ANO4: variants seen among roughly 807,000 people sequenced by gnomAD.
ANO4 encodes anoctamin-4.
Under a neutral mutation model 141.9 loss-of-function variants are expected in ANO4, and 69 were observed. The observed-to-expected ratio is 0.49, with a 90% CI of 0.40 to 0.59. The LOEUF is 0.59. ANO4 is among the 20% of genes least tolerant of loss of function. The probability of loss-of-function intolerance (pLI) is 0.00; values close to 1 mark genes in which losing one functional copy is unlikely to be tolerated. For synonymous variants in ANO4, 350 were observed against 394.3 expected (o/e 0.89, Z 1.33); for missense variants, 894 against 1,162.2 (o/e 0.77, Z 3.36).
rs115396633 is a variant in ANO4 at position 100,826,548 on chromosome 12, G to A, written c.-141+31521G>A. On this transcript the variant is annotated intron_variant, in intron 1 of 27. Transcript: ENST00000392977. ...GTGCTGTCCATGGTACTGGACCAGCGTTGCTTGCTAGGGCCTGCTGTTTGG... is the reference window on the plus strand; with the variant it reads ...GTGCTGTCCATGGTACTGGACCAGCATTGCTTGCTAGGGCCTGCTGTTTGG... Among the ~76,000 whole-genome samples, 1,246 of 152,110 alleles carry A rather than the reference G, an allele frequency of 8.2e-3. 20 individuals carry two copies. The highest frequency in any genetic ancestry group is 0.028 in the African/African-American group (1,174 of 41,530).
At chr12:100,927,956 G>A (rs1302173640) in intron 3 of ANO4, among the ~76,000 whole-genome samples, 2 of 152,124 alleles carry the variant, frequency 1.3e-5, no homozygotes, top group Non-Finnish European at 2.9e-5. Context: ...TTATCCTGCA[G>A]TCTGTTTGTG....
At chr12:100,867,887 C>T (rs1173659872) in intron 1 of ANO4, among the ~76,000 whole-genome samples, 33 of 152,142 alleles carry the variant, frequency 2.2e-4, no homozygotes, top group Admixed American at 2.1e-3. Context: ...TTTCATTGCC[C>T]TCATGCAATG....
chr12:100,790,702 T>C (rs1225748480), upstream of ANO4, among the ~76,000 whole-genome samples: 1 of 152,206 alleles, frequency 6.6e-6, no homozygotes. Context: ...TCTGTATGAT[T>C]TGATTTTGAT....
chr12:100,828,327 A>C (rs1185338781), intron 1 of ANO4, among the ~76,000 whole-genome samples: 1 of 151,878 alleles, frequency 6.6e-6, no homozygotes, highest in Admixed American at 6.6e-5. Context: ...AATCATGGAA[A>C]CCTCATTCCT....
intron 21 of ANO4, 34 bp downstream of exon 21, chr12:101,097,979 C>A (rs767839481): frequency 6.3e-7 from 1 of 1,577,744 alleles, no homozygotes; most frequent in East Asian, 2.2e-5. Flanking sequence ...TGAGAGGCAG[C>A]ATTGCTCATT....
chr12:101,062,240 A>G (rs1044443824), intron 14 of ANO4, among the ~76,000 whole-genome samples: 1 of 152,024 alleles, frequency 6.6e-6, no homozygotes, highest in East Asian at 1.9e-4. Flanking sequence ...ATTGCTGCCT[A>G]TTTTTTCCTC....
chr12:101,096,757 A>G (rs2050000969), intron 19 of ANO4, 110 bp downstream of exon 19: 4 of 817,942 alleles, frequency 4.9e-6, no homozygotes, highest in South Asian at 1.6e-5. Flanking sequence ...TACAAAGTGT[A>G]AAAAGGGAAG....
chr12:101,056,897 T>C (rs138407750), intron 14 of ANO4, among the ~76,000 whole-genome samples: 1,219 of 60,612 alleles, frequency 0.02, 114 homozygotes, highest in African/African-American at 0.1. Context: ...GATACATGTG[T>C]GGAACGTGCA....
chr12:100,966,538 C>G (rs1412430153), intron 5 of ANO4, among the ~76,000 whole-genome samples: 1 of 152,108 alleles, frequency 6.6e-6, no homozygotes, highest in Non-Finnish European at 1.5e-5. Flanking sequence ...CATGTTTATC[C>G]TGGACACACT....
intron 1 of ANO4, among the ~76,000 whole-genome samples, chr12:100,802,768 G>A (rs895633686): frequency 6.6e-6 from 1 of 152,166 alleles, no homozygotes; most frequent in African/African-American, 2.4e-5. Flanking sequence ...AAGTCAGATG[G>A]TGATCAGTGC....
intron 3 of ANO4, among the ~76,000 whole-genome samples, chr12:100,766,953 A>G (rs4764992): frequency 0.24 from 36,193 of 151,996 alleles, 4,873 homozygotes; most frequent in East Asian, 0.52. Flanking sequence ...CCTCTTTATC[A>G]TCATATAATC....
At chr12:100,974,718 T>G (rs1283646861) in intron 6 of ANO4, 127 bp from the exon 7 acceptor site, 4 of 974,688 alleles carry the variant, frequency 4.1e-6, no homozygotes, top group Non-Finnish European at 6.6e-6. Context: ...GTTAATCTCT[T>G]TTTAGTTTTT....
At chr12:101,019,829 C>A (rs928609224) in intron 8 of ANO4, among the ~76,000 whole-genome samples, 1 of 152,184 alleles carries the variant, frequency 6.6e-6, no homozygotes, top group African/African-American at 2.4e-5. Context: ...CTAGCATGAA[C>A]GATGTTGATG....
chr12:100,969,925 G>A (rs2043844393), intron 5 of ANO4, among the ~76,000 whole-genome samples: 1 of 152,162 alleles, frequency 6.6e-6, no homozygotes. Context: ...CCTCCTTGTG[G>A]AAAGTGACTT....
chr12:101,008,853 G>A lies in ANO4; in HGVS notation c.735-11181G>A, dbSNP rs963118354. On this transcript the variant is annotated intron_variant, in intron 8 of 27. Transcript: ENST00000392977. The stretch of plus-strand genomic sequence containing the variant: ...GTTCCAATCTGAACTCTTGCCTTCC[G>A]CTCCTGTTATAAATTATCATCTTGG... 5.9e-5 allele frequency among the ~76,000 whole-genome samples: 9 copies of A among 151,990 alleles called. No individual in the cohort carries two copies. The East Asian group carries it at 1.2e-3, about 20-fold the overall frequency.
intron 1 of ANO4, among the ~76,000 whole-genome samples, chr12:100,871,900 A>T (rs914622297): frequency 1.3e-5 from 2 of 152,190 alleles, no homozygotes; most frequent in Non-Finnish European, 2.9e-5. Flanking sequence ...TAAACTTTCA[A>T]CATATGAATT....
chr12:101,064,663 T>TATA (rs199759578), intron 14 of ANO4, among the ~76,000 whole-genome samples: 20,352 of 129,932 alleles, frequency 0.16, 1,655 homozygotes, highest in Non-Finnish European at 0.22. Context: ...CTTAAAGTAT[T>TATA]ATAATAATAA....
chr12:100,858,160 A>G (rs1451014269), intron 1 of ANO4, among the ~76,000 whole-genome samples: 3 of 151,676 alleles, frequency 2.0e-5, no homozygotes, highest in African/African-American at 7.3e-5. Context: ...TTGTTAGCTG[A>G]TTTCATCACT....
chr12:101,104,627 GTATATATATATATA>G (rs1167784816), intron 22 of ANO4, among the ~76,000 whole-genome samples: 33 of 62,054 alleles, frequency 5.3e-4, no homozygotes, highest in East Asian at 3.4e-3. Context: ...ATGTATGTGT[GTATATATATATATA>G]TATATATATA....
Sources: gnomAD v4.1 joint callset for allele counts (sites outside exome capture counted in the v4.1 genomes callset) on GRCh38, gnomAD v4.1.1 for gene constraint, MANE v1.5 for transcripts, NCBI Gene and HGNC (gene_info 2026-07-23, HGNC 2026-07-21) for gene names.